AGMAT: variants seen among roughly 807,000 people sequenced by gnomAD.
The protein encoded by AGMAT is guanidino acid hydrolase, mitochondrial.
Under a neutral mutation model 29.3 loss-of-function variants are expected in AGMAT, and 37 were observed. The observed-to-expected ratio is 1.26, with a 90% CI of 0.97 to 1.66. The LOEUF is 1.66. Among genes scored for constraint, AGMAT ranks in the 40% most tolerant of loss-of-function variants. The probability of loss-of-function intolerance (pLI) is 0.00; values close to 1 mark genes in which losing one functional copy is unlikely to be tolerated. For missense variants in AGMAT, 498 were observed against 497.8 expected (o/e 1.00, Z 0.00); for synonymous variants, 199 against 200.8 (o/e 0.99, Z 0.08).
intron 2 of AGMAT, among the ~76,000 whole-genome samples, chr1:15,581,672 G>A (rs1194246288): frequency 1.3e-5 from 2 of 151,810 alleles, no homozygotes; most frequent in Admixed American, 6.6e-5. Flanking sequence ...TCAGGAGTTC[G>A]AGACCAGCCT....
At position 15,577,795 on chromosome 1, in the gene AGMAT, G is replaced by A; in HGVS notation, c.790C>T (p.Gln264Ter). The change falls in exon 5 of 7, where the codon CAG (glutamine) becomes TAG (stop). Residue 264 changes from glutamine to a stop codon, truncating the protein, a stop_gained. Transcript: ENST00000375826. LOFTEE classifies it high-confidence loss of function. ...TAAATGGGTTTGCCTCCCATCTGCT[G>A]CCTGACTTCCCCCATCAGAGGAACC... ...SLVPLMGEVR[Q>*]QMGGKPIYIS... is the part of the protein sequence containing the mutation. 1 of 1,614,192 alleles carries A rather than the reference G, an allele frequency of 6.2e-7. No individual in the cohort carries two copies.
intron 3 of AGMAT, 22 bp downstream of exon 3, chr1:15,580,072 G>GC: frequency 1.2e-6 from 2 of 1,611,538 alleles, no homozygotes; most frequent in Non-Finnish European, 1.7e-6. Context: ...ATCTTGCTGG[G>GC]CCCAAGCCAT....
intron 5 of AGMAT, chr1:15,575,495 T>G (rs1639024499): frequency 6.6e-6 from 1 of 152,368 alleles, no homozygotes. Context: ...GTTTAAGCAG[T>G]CTTCATTCAT....
At position 15,572,077 on chromosome 1, in the gene AGMAT, G is replaced by A. The variant is rs376685319; in HGVS notation, c.*1574C>T. On this transcript the variant is annotated 3_prime_UTR_variant, in exon 7 of 7. Coordinates refer to ENST00000375826, the MANE Select transcript of AGMAT (RefSeq NM_024758.5). ...GCAGAATTGCTTGAACCCAGGAGGC[G>A]GAGATTGCAGTGAGCTAAGATCGGG... Among the ~76,000 whole-genome samples, 217 of 150,344 alleles carry A rather than the reference G, an allele frequency of 1.4e-3. No homozygotes were observed. The highest frequency in any genetic ancestry group is 2.3e-3 in the Non-Finnish European group (154 of 67,696).
chr1:15,577,910 G>C (rs1639061723), intron 4 of AGMAT, 46 bp from the exon 5 acceptor site: 1 of 1,579,912 alleles, frequency 6.3e-7, no homozygotes, highest in Admixed American at 1.7e-5. Flanking sequence ...CATTTACAGG[G>C]CATTTCCTGT....
rs111577791 is a variant in AGMAT at position 15,573,439 on chromosome 1, C to CTT, written c.*210_*211dup. 81 of 516,636 alleles carry CTT rather than the reference C, an allele frequency of 1.6e-4. No homozygotes were observed. The highest frequency in any genetic ancestry group is 1.4e-3 in the African/African-American group (73 of 51,846). 32.0% of individuals were successfully genotyped at this position (516,636 alleles called of 1,614,324 possible). A position where few individuals can be genotyped will look rare whatever the true frequency, so the allele number is the denominator to read the frequency against. ...AAAAATCAAAGCAGTACAAGTACTC[C>CTT]TTTTTTTTTCCCCCAATTAATCCAA... is the stretch of plus-strand genomic sequence containing the variant. On this transcript the variant is annotated 3_prime_UTR_variant, in exon 7 of 7. Transcript: ENST00000375826.
chr1:15,578,454 C>G (rs1639069084), intron 4 of AGMAT, among the ~76,000 whole-genome samples: 1 of 152,114 alleles, frequency 6.6e-6, no homozygotes, highest in Admixed American at 6.6e-5. Context: ...ACCGCCACAC[C>G]TGGCTAATTT....
rs1486094321 is a variant in AGMAT, at chr1:15,577,839, T to A, written c.746A>T (p.Asp249Val). ...AGGAACCAGCGACTTCATCCAGCAG[T>A]CTTCAGCCAGGACTACCCGGAAGCC... ...SQGFRVVLAE[D>V]CWMKSLVPLM... The change falls in exon 5 of 7, where the codon GAC becomes GTC. Residue 249 changes from aspartate (D) to valine (V), a missense_variant. Coordinates refer to ENST00000375826, the MANE Select transcript of AGMAT (RefSeq NM_024758.5). 2 of 1,614,152 alleles carry A rather than the reference T, an allele frequency of 1.2e-6. No homozygotes were observed. Among genetic ancestry groups the A allele is most frequent in the Non-Finnish European group, 1.7e-6 (2 of 1,179,988 alleles).
intron 2 of AGMAT, among the ~76,000 whole-genome samples, chr1:15,581,173 C>G (rs2103439248): frequency 6.6e-6 from 1 of 152,066 alleles, no homozygotes; most frequent in South Asian, 2.1e-4. Flanking sequence ...TACATTAAGA[C>G]CCCGTCTTTG....
rs777939529 is a variant in AGMAT at position 15,584,900 on chromosome 1, G to A, written c.68C>T (p.Ala23Val). The A allele has an allele frequency of 1.4e-6, 2 of 1,393,272 alleles. No individual in the cohort carries two copies. The highest frequency in any genetic ancestry group is 3.2e-5 in the South Asian group (2 of 62,250). 86.3% of individuals were successfully genotyped at this position (1,393,272 alleles called of 1,614,324 possible). Residue 23 changes from alanine (A) to valine (V), a missense_variant, in exon 1 of 7, where the codon GCA (alanine) becomes GTA (valine). Ala to Val is a moderately conservative substitution (Grantham distance 64). Coordinates refer to ENST00000375826, the MANE Select transcript of AGMAT (RefSeq NM_024758.5). ...GCGGCGCCCCGGATGAAAGAGCCCT[G>A]CGGCAGGACGCGCGCCCACGCCGGG... Reference protein sequence around the residue: ...PGPGVGARPAAGLFHPGRRQS... With the variant: ...PGPGVGARPAVGLFHPGRRQS...
At chr1:15,574,700 C>T in intron 6 of AGMAT, 57 bp downstream of exon 6, 1 of 1,481,288 alleles carries the variant, frequency 6.8e-7, no homozygotes, top group Non-Finnish European at 9.4e-7. Flanking sequence ...TATTAACTAG[C>T]TTCGTGTAAT....
Position 15,577,637 on chromosome 1 carries a change from T to C in AGMAT, c.900+48A>G, listed in dbSNP as rs2103437365. The C allele has an allele frequency of 2.0e-6, 3 of 1,531,146 alleles. No individual in the cohort carries two copies. The East Asian group carries it at 6.8e-5, about 35-fold the overall frequency. 94.8% of individuals were successfully genotyped at this position (1,531,146 alleles called of 1,614,324 possible). A position where few individuals can be genotyped will look rare whatever the true frequency, so the allele number is the denominator to read the frequency against. Reference sequence around the variant, plus strand: ...TCGCTTCAAGTCCCAGGAAAATGGGTGTTAAGTGTCTCCACCCCCAGGATC... The same window carrying C: ...TCGCTTCAAGTCCCAGGAAAATGGGCGTTAAGTGTCTCCACCCCCAGGATC... On this transcript the variant is annotated intron_variant, in intron 5 of 6. Coordinates refer to ENST00000375826, the MANE Select transcript of AGMAT (RefSeq NM_024758.5).
chr1:15,577,135 G>A (rs1420274578), intron 5 of AGMAT, among the ~76,000 whole-genome samples: 1 of 152,086 alleles, frequency 6.6e-6, no homozygotes, highest in Non-Finnish European at 1.5e-5. Flanking sequence ...GGCAGGAAGA[G>A]CAAATAAAGG....
rs531527030 is a variant in AGMAT, at chr1:15,584,684, T to A, written c.272+12A>T. 7.6e-7 allele frequency: 1 copy of A among 1,315,174 alleles called. No individual in the cohort carries two copies. Among genetic ancestry groups the A allele is most frequent in the Admixed American group, 3.3e-5 (1 of 30,298 alleles). 81.5% of individuals were successfully genotyped at this position (1,315,174 alleles called of 1,614,324 possible). On this transcript the variant is annotated intron_variant, in intron 1 of 6. Transcript: ENST00000375826. ...CTCCACGTGTACCCGGCCCCCGTCC[T>A]TCCGGCCTTACCTCGCCCCAGGCCG...
intron 5 of AGMAT, chr1:15,575,429 A>C (rs1326222920): frequency 1.3e-5 from 2 of 152,732 alleles, no homozygotes; most frequent in African/African-American, 4.8e-5. Flanking sequence ...ATTTCAAGAG[A>C]GAGAGTTATG....
rs200804155 is a variant in AGMAT at position 15,579,010 on chromosome 1, G to A, written c.569C>T (p.Thr190Met). Residue 190 changes from threonine to methionine, a missense_variant, in exon 4 of 7, where the codon ACG (threonine) becomes ATG (methionine). By Grantham distance (81) the Thr-to-Met change is moderately conservative. Transcript: ENST00000375826. Reference protein sequence around the residue: ...GLLHVDAHTDTTDKALGEKLY... With the variant: ...GLLHVDAHTDMTDKALGEKLY... ...CTTCTCTCCTAGGGCCTTGTCGGTC[G>A]TGTCCGTGTGCGCATCCACGTGCAG... 144 of 1,614,104 alleles carry A rather than the reference G, an allele frequency of 8.9e-5. No individual in the cohort carries two copies. Among genetic ancestry groups the A allele is most frequent in the Admixed American group, 1.7e-4 (10 of 60,004 alleles).
rs766524915 is a variant in AGMAT, at chr1:15,577,680, C to T, written c.900+5G>A. Reference sequence around the variant, plus strand: ...CCAGGATCTTCACTGGTGGAATCTCCTTACCTGACTAGGAGTGAGACCAGC... The same window carrying T: ...CCAGGATCTTCACTGGTGGAATCTCTTTACCTGACTAGGAGTGAGACCAGC... On this transcript the variant is annotated splice_donor_5th_base_variant and intron_variant, in intron 5 of 6. Transcript: ENST00000375826. The T allele has an allele frequency of 1.2e-6, 2 of 1,610,578 alleles. No individual in the cohort carries two copies. Among genetic ancestry groups the T allele is most frequent in the South Asian group, 1.1e-5 (1 of 90,836 alleles).
At position 15,584,875 on chromosome 1, in the gene AGMAT, G is replaced by A. The variant is rs936049338; in HGVS notation, c.93C>T (p.Arg31=). The change falls in exon 1 of 7, where the codon CGC becomes CGT. Residue 31 remains arginine (R), a synonymous_variant. Transcript: ENST00000375826. ...GCGCGTCGGAAGCCTGGCGGCTCTG[G>A]CGGCGCCCCGGATGAAAGAGCCCTG... The part of the protein sequence containing the change: ...PAAGLFHPGR[R]QSRQASDAPR... The A allele has an allele frequency of 7.8e-6, 11 of 1,408,768 alleles. No individual in the cohort carries two copies. The highest frequency in any genetic ancestry group is 3.4e-5 in the Admixed American group (1 of 29,696). The allele number at this position is 1,408,768 out of a possible 1,614,324, so 87.3% of individuals were successfully genotyped here.
chr1:15,585,036 A>C lies in AGMAT; in HGVS notation c.-69T>G. The C allele has an allele frequency of 7.9e-7, 1 of 1,264,956 alleles. No individual in the cohort carries two copies. Among genetic ancestry groups the C allele is most frequent in the Non-Finnish European group, 9.9e-7 (1 of 1,007,418 alleles). 78.4% of individuals were successfully genotyped at this position (1,264,956 alleles called of 1,614,324 possible). On this transcript the variant is annotated 5_prime_UTR_variant, in exon 1 of 7. Coordinates refer to ENST00000375826, the MANE Select transcript of AGMAT (RefSeq NM_024758.5). ...GCCGCCGCGATCTGGCTGGTCCCGA[A>C]CGGCGAGGCGAGTGTGCACGCGCCA...
Sources: allele counts gnomAD v4.1 joint callset (sites outside exome capture counted in the v4.1 genomes callset), GRCh38; gene constraint gnomAD v4.1.1; transcripts MANE v1.5; gene names NCBI Gene and HGNC (gene_info 2026-07-23, HGNC 2026-07-21).